DDI2: variants seen among roughly 807,000 people sequenced by gnomAD.
DDI2 encodes protein DDI1 homolog 2.
Under a neutral mutation model 48.1 loss-of-function variants are expected in DDI2, and 5 were observed. The observed-to-expected ratio is 0.10, with a 90% CI of 0.05 to 0.22. The LOEUF is 0.22. Among genes scored for constraint, DDI2 ranks in the 10% least tolerant of loss-of-function variants. The probability of loss-of-function intolerance (pLI) is 1.00; values close to 1 mark genes in which losing one functional copy is unlikely to be tolerated. For missense variants in DDI2, 285 were observed against 506.2 expected (o/e 0.56, Z 4.19); for synonymous variants, 205 against 183.6 (o/e 1.12, Z -0.94).
chr1:15,638,237 T>C (rs1639956066), intron 4 of DDI2, 70 bp from the exon 5 acceptor site: 1 of 1,600,944 alleles, frequency 6.2e-7, no homozygotes, highest in Non-Finnish European at 8.5e-7. Context: ...TTTTTAATAT[T>C]GTGACTTTGA....
chr1:15,649,950 C>T (rs1640152474), intron 7 of DDI2, 127 bp downstream of exon 7: 8 of 876,376 alleles, frequency 9.1e-6, no homozygotes, highest in African/African-American at 3.5e-5. Flanking sequence ...TGGAAATGTC[C>T]TTAAATTATG....
intron 6 of DDI2, among the ~76,000 whole-genome samples, chr1:15,645,882 AAAG>A (rs1640083058): frequency 6.6e-6 from 1 of 151,136 alleles, no homozygotes; most frequent in Non-Finnish European, 1.5e-5. Flanking sequence ...AAAAAAAAAA[AAAG>A]AGTGGGCCAC....
At chr1:15,618,239 G>T (rs907058526) in intron 1 of DDI2, among the ~76,000 whole-genome samples, 1 of 148,732 alleles carries the variant, frequency 6.7e-6, no homozygotes, top group Non-Finnish European at 1.5e-5. Flanking sequence ...GTGGTAGATA[G>T]ATGTTCCTCT....
intron 5 of DDI2, among the ~76,000 whole-genome samples, chr1:15,643,038 G>A (rs1640034216): frequency 6.6e-6 from 1 of 152,146 alleles, no homozygotes; most frequent in Admixed American, 6.5e-5. Context: ...CTGCACTTCA[G>A]CCTGGGCGAC....
At chr1:15,638,275 C>T (rs1411775187) in intron 4 of DDI2, 32 bp from the exon 5 acceptor site, 3 of 1,612,098 alleles carry the variant, frequency 1.9e-6, no homozygotes, top group Non-Finnish European at 2.5e-6. Flanking sequence ...GGAATTAATG[C>T]TTTCAGTGTC....
intron 1 of DDI2, among the ~76,000 whole-genome samples, chr1:15,624,846 C>T (rs951994207): frequency 1.6e-4 from 24 of 152,132 alleles, no homozygotes; most frequent in African/African-American, 5.8e-4. Flanking sequence ...GATGCTCACA[C>T]CTCAGCCTCC....
Position 15,660,025 on chromosome 1 carries a change from G to A in DDI2, c.*235G>A, listed in dbSNP as rs1297750491. The A allele has an allele frequency of 1.9e-6, 3 of 1,614,166 alleles. No individual in the cohort carries two copies. The highest frequency in any genetic ancestry group is 2.2e-5 in the East Asian group (1 of 44,886). Reference sequence around the variant, plus strand: ...CTCAGATCGCATTGAACCTAAAGCTGTGAAGGCTTTGAAGGCTTCAGCTGA... The same window carrying A: ...CTCAGATCGCATTGAACCTAAAGCTATGAAGGCTTTGAAGGCTTCAGCTGA... On this transcript the variant is annotated 3_prime_UTR_variant, in exon 10 of 10. Transcript: ENST00000480945.
chr1:15,657,267 G>T (rs187625989), intron 9 of DDI2, among the ~76,000 whole-genome samples: 5 of 152,248 alleles, frequency 3.3e-5, no homozygotes, highest in Admixed American at 6.5e-5. Context: ...TGTAAATAAT[G>T]GTAAACATCA....
At chr1:15,637,182 G>A (rs575219330) in intron 4 of DDI2, among the ~76,000 whole-genome samples, 4 of 152,322 alleles carry the variant, frequency 2.6e-5, no homozygotes, top group East Asian at 1.9e-4. Flanking sequence ...TGCTTTTCTC[G>A]TGTAAGAATT....
In DDI2 at chr1:15,666,769, C is replaced by G. The variant is rs1236566116; in HGVS notation, c.*6979C>G. The G allele has an allele frequency of 6.6e-6, 1 of 152,166 alleles. No individual in the cohort carries two copies. Among genetic ancestry groups the G allele is most frequent in the Non-Finnish European group, 1.5e-5 (1 of 68,036 alleles). 9.4% of individuals were successfully genotyped at this position (152,166 alleles called of 1,614,324 possible). On this transcript the variant is annotated 3_prime_UTR_variant, in exon 10 of 10. Coordinates refer to ENST00000480945, the MANE Select transcript of DDI2 (RefSeq NM_032341.5). ...AAGGGAGACGTGAAACAAATTTTAG[C>G]TTCAAAAGCAACATCTATTTTTGCC... is the stretch of plus-strand genomic sequence containing the variant.
intron 1 of DDI2, among the ~76,000 whole-genome samples, chr1:15,620,258 A>G (rs1260897565): frequency 1.3e-5 from 2 of 152,044 alleles, no homozygotes; most frequent in African/African-American, 4.8e-5. Flanking sequence ...ACAACACAGT[A>G]TCTATTTTAA....
intron 5 of DDI2, among the ~76,000 whole-genome samples, chr1:15,641,116 A>C (rs1640000484): frequency 6.6e-6 from 1 of 152,180 alleles, no homozygotes; most frequent in Admixed American, 6.6e-5. Flanking sequence ...TTTGAAACTA[A>C]TCTCATAAGG....
chr1:15,660,599 A>C lies in DDI2; in HGVS notation c.*809A>C. On this transcript the variant is annotated 3_prime_UTR_variant, in exon 10 of 10. Coordinates refer to ENST00000480945, the MANE Select transcript of DDI2 (RefSeq NM_032341.5). ...TCTTCAGAATGCAGTGGCTGCTCAA[A>C]TTCAGAAACATTTATGGAAATCGAT... 1 of 1,614,038 alleles carries C rather than the reference A, an allele frequency of 6.2e-7. No individual in the cohort carries two copies. The highest frequency in any genetic ancestry group is 2.2e-5 in the East Asian group (1 of 44,890).
At chr1:15,659,091 T>C (rs75628784) in intron 9 of DDI2, among the ~76,000 whole-genome samples, 1,571 of 152,366 alleles carry the variant, frequency 0.01, 26 homozygotes, top group African/African-American at 0.035. Context: ...TGCTGATCAT[T>C]AGTTTACTTT....
At chr1:15,622,619 A>G (rs2103460425) in intron 1 of DDI2, among the ~76,000 whole-genome samples, 1 of 152,110 alleles carries the variant, frequency 6.6e-6, no homozygotes, top group East Asian at 1.9e-4. Flanking sequence ...GTAGCTGTTG[A>G]GTTGGGTAAC....
At chr1:15,633,682 G>A in intron 4 of DDI2, 117 bp downstream of exon 4, 1 of 1,470,286 alleles carries the variant, frequency 6.8e-7, no homozygotes, top group Non-Finnish European at 9.3e-7. Flanking sequence ...TTGCAGTTGA[G>A]ATAGTAACCT....
intron 1 of DDI2, among the ~76,000 whole-genome samples, chr1:15,618,702 T>C (rs1363844694): frequency 6.6e-6 from 1 of 152,208 alleles, no homozygotes; most frequent in African/African-American, 2.4e-5. Context: ...CCCCTAGTCT[T>C]TATCAAACAG....
rs774889431 is a variant in DDI2 at position 15,626,671 on chromosome 1, C to G, written c.141C>G (p.Ile47Met). The change falls in exon 2 of 10, where the codon ATC (isoleucine) becomes ATG (methionine). Residue 47 changes from isoleucine (I) to methionine (M), a missense_variant and splice_region_variant. This residue lies in a region of DDI2 where 149 missense variants were observed against 236.5 expected (regional missense o/e 0.63). Transcript: ENST00000480945. ...TTGTATATCTTTTCTTGTTGTAGAT[C>G]GTCTATGCGGAAAGACCTCTCACAG... ...ESGIPAAESQ[I>M]VYAERPLTDN... The G allele has an allele frequency of 6.2e-7, 1 of 1,613,976 alleles. No individual in the cohort carries two copies. The highest frequency in any genetic ancestry group is 1.7e-5 in the Admixed American group (1 of 59,968).
rs564938807 is a variant in DDI2, at chr1:15,617,480, C to T, written c.-191C>T. 7 of 363,898 alleles carry T rather than the reference C, an allele frequency of 1.9e-5. No homozygotes were observed. Among genetic ancestry groups the T allele is most frequent in the East Asian group, 9.0e-5 (2 of 22,264 alleles). The allele number at this position is 363,898 out of a possible 1,614,324, so 22.5% of individuals were successfully genotyped here. On this transcript the variant is annotated 5_prime_UTR_variant, in exon 1 of 10. Coordinates refer to ENST00000480945, the MANE Select transcript of DDI2 (RefSeq NM_032341.5). Reference sequence around the variant, plus strand: ...GGCAGACGGACTCGCAGGCGTGTGGCGGCGGCCGTGCTTGCTAGTGAGGGC... The same window carrying T: ...GGCAGACGGACTCGCAGGCGTGTGGTGGCGGCCGTGCTTGCTAGTGAGGGC...
Sources: gnomAD v4.1 joint callset for allele counts (sites outside exome capture counted in the v4.1 genomes callset) on GRCh38, gnomAD v4.1.1 for gene constraint, gnomAD v4.1.1 regional missense constraint, MANE v1.5 for transcripts, NCBI Gene and HGNC (gene_info 2026-07-23, HGNC 2026-07-21) for gene names.